Variants in RIMS2 observed in about 807,000 individuals in gnomAD.
The protein encoded by RIMS2 is regulating synaptic membrane exocytosis protein 2.
In RIMS2, 59 loss-of-function variants were observed where a neutral mutation model predicts 174.4. The ratio of observed to expected loss-of-function variants is 0.34; its 90% confidence interval spans 0.27 to 0.42. The LOEUF (loss-of-function observed/expected upper bound fraction) is 0.42, where lower values mean the gene tolerates loss of function less well. Ranked by LOEUF, RIMS2 falls within the 10% of genes least tolerant of loss-of-function variation. The pLI is 1.00. For synonymous variants in RIMS2, 606 were observed against 572.5 expected (o/e 1.06, Z -0.84); for missense variants, 1,620 against 1,666.3 (o/e 0.97, Z 0.48).
At chr8:103,546,643 C>T (rs1845253478) in intron 1 of RIMS2, among the ~76,000 whole-genome samples, 1 of 152,152 alleles carries the variant, frequency 6.6e-6, no homozygotes, top group Admixed American at 6.5e-5. Flanking sequence ...TAAAAAATTT[C>T]CTCAGCAGAT....
At chr8:103,693,909 G>T (rs1009398672) in intron 1 of RIMS2, among the ~76,000 whole-genome samples, 2 of 152,198 alleles carry the variant, frequency 1.3e-5, no homozygotes, top group African/African-American at 4.8e-5. Flanking sequence ...GGAGGGGCTG[G>T]CTAGGTGTTG....
intron 19 of RIMS2, among the ~76,000 whole-genome samples, chr8:104,045,560 G>A (rs549787787): frequency 1.3e-5 from 2 of 151,778 alleles, no homozygotes; most frequent in East Asian, 1.9e-4. Context: ...TTCCAGACCT[G>A]ATTTAGAGCA....
chr8:103,655,438 C>A (rs1410443190), intron 1 of RIMS2, among the ~76,000 whole-genome samples: 1 of 148,858 alleles, frequency 6.7e-6, no homozygotes, highest in African/African-American at 2.5e-5. Context: ...TTTGTATCTG[C>A]AATACATAGC....
intron 19 of RIMS2, among the ~76,000 whole-genome samples, chr8:104,039,037 T>C (rs1216939891): frequency 6.6e-6 from 1 of 151,698 alleles, no homozygotes; most frequent in Non-Finnish European, 1.5e-5. Context: ...AATTTTGTAC[T>C]TCCTGAAAAA....
chr8:104,060,225 T>C (rs1027775840), intron 19 of RIMS2, among the ~76,000 whole-genome samples: 18 of 151,404 alleles, frequency 1.2e-4, no homozygotes, highest in Admixed American at 5.3e-4. Flanking sequence ...TGGTAAGCTA[T>C]TGATTATTGC....
chr8:104,108,725 CT>C (rs776515882), intron 19 of RIMS2, among the ~76,000 whole-genome samples: 3 of 152,144 alleles, frequency 2.0e-5, no homozygotes, highest in Non-Finnish European at 2.9e-5. Flanking sequence ...TCTTCTGGGA[CT>C]TTCTATGAAA....
chr8:103,913,841 G>T (rs1037570095), intron 6 of RIMS2, among the ~76,000 whole-genome samples: 1 of 152,094 alleles, frequency 6.6e-6, no homozygotes, highest in Non-Finnish European at 1.5e-5. Flanking sequence ...CAAGCCACAA[G>T]GGATCTGTCC....
chr8:103,607,305 T>A (rs1483428101), intron 1 of RIMS2, among the ~76,000 whole-genome samples: 2 of 152,158 alleles, frequency 1.3e-5, no homozygotes, highest in African/African-American at 4.8e-5. Context: ...AAAATTCTTT[T>A]CTTTAAGAAT....
chr8:103,662,714 CTAT>C, intron 1 of RIMS2, among the ~76,000 whole-genome samples: 1 of 144,140 alleles, frequency 6.9e-6, no homozygotes, highest in African/African-American at 2.5e-5. Context: ...ATCTATCTAT[CTAT>C]CTATAGTCTT....
rs764259234 is a variant in RIMS2 at position 104,148,716 on chromosome 8, A to T, written c.3335-96200A>T. 5.4e-5 allele frequency: 87 copies of T among 1,598,290 alleles called. No homozygotes were observed. In the Middle Eastern group the frequency reaches 1.3e-3, roughly 24 times the overall value. On this transcript the variant is annotated intron_variant, in intron 19 of 23. Transcript: ENST00000504942. ...GTGCTCACTGGAGAAGAATGATGGC[A>T]GCCAGTCTGACACTGCAGTGGGCAC...
intron 1 of RIMS2, among the ~76,000 whole-genome samples, chr8:103,696,642 G>A (rs1349900494): frequency 3.3e-5 from 5 of 151,902 alleles, no homozygotes; most frequent in Admixed American, 6.6e-5. Context: ...CGAGGCAGGC[G>A]AATCCCTTGA....
At chr8:103,540,243 C>G (rs1165261049) in intron 1 of RIMS2, among the ~76,000 whole-genome samples, 1 of 152,150 alleles carries the variant, frequency 6.6e-6, no homozygotes, top group African/African-American at 2.4e-5. Context: ...TAAGCGAGAC[C>G]CAACATGAAG....
Position 103,885,340 on chromosome 8 carries a change from C to A in RIMS2, c.741C>A (p.Tyr247Ter), listed in dbSNP as rs374551478. The change falls in exon 4 of 24, where the codon TAC (tyrosine) becomes TAA (stop). Residue 247 changes from tyrosine (Y) to a stop codon, truncating the protein, a stop_gained. Coordinates refer to ENST00000504942, the Ensembl canonical transcript of RIMS2. LOFTEE classifies it high-confidence loss of function. Reference sequence around the variant, plus strand: ...TGTCCAGAGATCAGAATAGAAGATACGACCAAAGGGAAGAAAGAGAGGAAT... The same window carrying A: ...TGTCCAGAGATCAGAATAGAAGATAAGACCAAAGGGAAGAAAGAGAGGAAT... 1 of 1,609,278 alleles carries A rather than the reference C, an allele frequency of 6.2e-7. No individual in the cohort carries two copies. Among genetic ancestry groups the A allele is most frequent in the Non-Finnish European group, 8.5e-7 (1 of 1,176,998 alleles).
chr8:103,753,212 G>T, intron 2 of RIMS2, among the ~76,000 whole-genome samples: 1 of 152,026 alleles, frequency 6.6e-6, no homozygotes, highest in Non-Finnish European at 1.5e-5. Context: ...TTTGTCTTTG[G>T]TTCTGTTTAT....
intron 3 of RIMS2, among the ~76,000 whole-genome samples, chr8:103,800,804 A>G (rs1235978951): frequency 6.6e-6 from 1 of 152,090 alleles, no homozygotes; most frequent in Non-Finnish European, 1.5e-5. Flanking sequence ...TCCTTGTAAC[A>G]TCATTGATTT....
chr8:104,179,529 A>G (rs1002230548), intron 19 of RIMS2, among the ~76,000 whole-genome samples: 1 of 151,908 alleles, frequency 6.6e-6, no homozygotes, highest in Non-Finnish European at 1.5e-5. Flanking sequence ...AATTTTATAT[A>G]ACCACTAATT....
intron 19 of RIMS2, among the ~76,000 whole-genome samples, chr8:104,189,041 A>G (rs1007037279): frequency 6.6e-5 from 10 of 151,976 alleles, no homozygotes; most frequent in African/African-American, 2.2e-4. Context: ...GTATTTCAAA[A>G]AATAAATTGT....
At chr8:103,551,014 G>A (rs987719823) in intron 1 of RIMS2, among the ~76,000 whole-genome samples, 1 of 152,146 alleles carries the variant, frequency 6.6e-6, no homozygotes, top group Non-Finnish European at 1.5e-5. Flanking sequence ...AATTCTACCA[G>A]AGGTACAAAG....
intron 14 of RIMS2, among the ~76,000 whole-genome samples, chr8:103,954,908 T>C (rs961205764): frequency 6.6e-6 from 1 of 151,952 alleles, no homozygotes; most frequent in African/African-American, 2.4e-5. Flanking sequence ...TAAAAAATGA[T>C]AAAGGGGATA....
Sources: gnomAD v4.1 joint callset for allele counts (sites outside exome capture counted in the v4.1 genomes callset) on GRCh38, gnomAD v4.1.1 for gene constraint, MANE v1.5 for transcripts, NCBI Gene and HGNC (gene_info 2026-07-23, HGNC 2026-07-21) for gene names.